CHRM3: variants seen among roughly 807,000 people sequenced by gnomAD.
CHRM3 encodes cholinergic receptor muscarinic 3.
In CHRM3, 11 loss-of-function variants were observed where a neutral mutation model predicts 41.8. The observed-to-expected ratio is 0.26, with a 90% CI of 0.17 to 0.44. The LOEUF (loss-of-function observed/expected upper bound fraction) is 0.44, where lower values mean the gene tolerates loss of function less well. Among genes scored for constraint, CHRM3 ranks in the 20% least tolerant of loss-of-function variants. The pLI is 1.00. For missense variants in CHRM3, 571 were observed against 745.4 expected (o/e 0.77, Z 2.72); for synonymous variants, 297 against 301.4 (o/e 0.99, Z 0.15).
chr1:239,542,984 G>C (rs1463565883), intron 2 of CHRM3, among the ~76,000 whole-genome samples: 1 of 152,060 alleles, frequency 6.6e-6, no homozygotes, highest in Non-Finnish European at 1.5e-5. Context: ...TCTTTGCTGT[G>C]GTCCACTCTT....
At chr1:239,615,763 C>G (rs1667562627) in intron 3 of CHRM3, among the ~76,000 whole-genome samples, 1 of 152,172 alleles carries the variant, frequency 6.6e-6, no homozygotes, top group African/African-American at 2.4e-5. Context: ...ATTGATGTCA[C>G]CCTTCTGTTC....
Position 239,646,345 on chromosome 1 carries a change from G to T in CHRM3, c.-250+14059G>T, listed in dbSNP as rs1466425255. On this transcript the variant is annotated intron_variant, in intron 4 of 6. Transcript: ENST00000676153. ...GCTTGCAATCCAGTTTTAATGACAA[G>T]CTATACACGTATTTTTTAAAATGCT... is the stretch of plus-strand genomic sequence containing the variant. Among the ~76,000 whole-genome samples the T allele has an allele frequency of 3.9e-5, 6 of 152,168 alleles. No individual in the cohort carries two copies. In the East Asian group the frequency reaches 1.2e-3, roughly 29 times the overall value.
intron 1 of CHRM3, among the ~76,000 whole-genome samples, chr1:239,403,964 G>GGGGAGA (rs1660199092): frequency 1.3e-5 from 1 of 78,840 alleles, no homozygotes; most frequent in Non-Finnish European, 2.6e-5. Flanking sequence ...AGGGAGGGAG[G>GGGGAGA]GAGAGGGAGG....
Position 239,404,410 on chromosome 1 carries a change from A to AAAGAAAGAAAGAAGG in CHRM3, c.-521+17185_-521+17186insGAAAGAAAGAAGGAA, listed in dbSNP as rs1660343300. Among the ~76,000 whole-genome samples, 35 of 51,766 alleles carry AAAGAAAGAAAGAAGG rather than the reference A, an allele frequency of 6.8e-4. 1 individual carries two copies. Among genetic ancestry groups the AAAGAAAGAAAGAAGG allele is most frequent in the African/African-American group, 2.0e-3 (31 of 15,564 alleles). 34.0% of individuals were successfully genotyped at this position (51,766 alleles called of 152,430 possible). A position where few individuals can be genotyped will look rare whatever the true frequency, so the allele number is the denominator to read the frequency against. On this transcript the variant is annotated intron_variant, in intron 1 of 6. Coordinates refer to ENST00000676153, the MANE Select transcript of CHRM3 (RefSeq NM_001375978.1). ...AAAGAAAGAAAGAAAGAAAGAAAGAAAAAGAAAGAAAGAAAGAAAGAAAGA... is the reference window on the plus strand; with the variant it reads ...AAAGAAAGAAAGAAAGAAAGAAAGAAAAGAAAGAAAGAAGGAAAGAAAGAAAGAAAGAAAGAAAGA...
chr1:239,721,355 T>C (rs1464881340), intron 5 of CHRM3, among the ~76,000 whole-genome samples: 1 of 151,942 alleles, frequency 6.6e-6, no homozygotes, highest in Non-Finnish European at 1.5e-5. Context: ...GTTACTTATA[T>C]GAGAATCCCG....
At chr1:239,718,721 C>T in intron 5 of CHRM3, 1 of 151,892 alleles carries the variant, frequency 6.6e-6, no homozygotes, top group South Asian at 2.1e-4. Flanking sequence ...AAAGAATCAA[C>T]TTGAAGTCAT....
At chr1:239,729,966 T>A (rs1663806742) in intron 5 of CHRM3, among the ~76,000 whole-genome samples, 1 of 151,938 alleles carries the variant, frequency 6.6e-6, no homozygotes, top group Admixed American at 6.6e-5. Flanking sequence ...TATCTGAATT[T>A]TCTTCATTTG....
At position 239,536,472 on chromosome 1, in the gene CHRM3, G is replaced by A. The variant is rs60444599; in HGVS notation, c.-421-9169G>A. On this transcript the variant is annotated intron_variant, in intron 2 of 6. Transcript: ENST00000676153. Reference sequence around the variant, plus strand: ...AGTATTATCAATTCCAAAGACTAAGGACAATTTTTAAAATGTGTAAATATT... The same window carrying A: ...AGTATTATCAATTCCAAAGACTAAGAACAATTTTTAAAATGTGTAAATATT... Among the ~76,000 whole-genome samples the A allele has an allele frequency of 2.6e-4, 39 of 152,206 alleles. No homozygotes were observed. The East Asian group carries it at 5.6e-3, about 22-fold the overall frequency.
chr1:239,833,393 GAGA>G (rs1207253778), intron 6 of CHRM3, among the ~76,000 whole-genome samples: 1 of 152,184 alleles, frequency 6.6e-6, no homozygotes, highest in Non-Finnish European at 1.5e-5. Flanking sequence ...TGGAAACCAA[GAGA>G]AGAACCAGGG....
chr1:239,436,608 A>C (rs1427212038), intron 1 of CHRM3, among the ~76,000 whole-genome samples: 1 of 151,968 alleles, frequency 6.6e-6, no homozygotes, highest in Non-Finnish European at 1.5e-5. Context: ...ACCCATCCTT[A>C]TTTTGATTGA....
chr1:239,804,777 A>T (rs1347382896), intron 5 of CHRM3, among the ~76,000 whole-genome samples: 2 of 152,064 alleles, frequency 1.3e-5, no homozygotes, highest in Non-Finnish European at 2.9e-5. Context: ...ATTCTTCAAA[A>T]TCTTCCCTCG....
chr1:239,442,394 G>A (rs559343040), intron 1 of CHRM3, among the ~76,000 whole-genome samples: 8 of 152,052 alleles, frequency 5.3e-5, no homozygotes, highest in African/African-American at 7.2e-5. Context: ...GGCGTGAGCC[G>A]CTGCACCCGG....
chr1:239,569,408 G>T (rs951803150), intron 3 of CHRM3, among the ~76,000 whole-genome samples: 1 of 152,084 alleles, frequency 6.6e-6, no homozygotes, highest in Non-Finnish European at 1.5e-5. Context: ...GACTCAGATG[G>T]CTGCTAAGAA....
intron 1 of CHRM3, among the ~76,000 whole-genome samples, chr1:239,409,814 C>T (rs914989638): frequency 1.3e-5 from 2 of 152,112 alleles, no homozygotes; most frequent in South Asian, 2.1e-4. Flanking sequence ...TGGTTGCGGG[C>T]GCCTGTAGTC....
At chr1:239,528,465 T>C (rs1670153114) in intron 2 of CHRM3, among the ~76,000 whole-genome samples, 1 of 152,228 alleles carries the variant, frequency 6.6e-6, no homozygotes, top group African/African-American at 2.4e-5. Flanking sequence ...GGTGCTCTTC[T>C]GTAAATTTCA....
intron 5 of CHRM3, among the ~76,000 whole-genome samples, chr1:239,727,461 T>C (rs1663548077): frequency 1.3e-5 from 2 of 152,118 alleles, no homozygotes; most frequent in African/African-American, 4.8e-5. Context: ...TTGTGCTACT[T>C]TTCCTTCATG....
chr1:239,660,702 G>A (rs1297769513), intron 4 of CHRM3, among the ~76,000 whole-genome samples: 1 of 152,072 alleles, frequency 6.6e-6, no homozygotes. Flanking sequence ...GGCCAACATG[G>A]CAAAACCCAG....
chr1:239,733,434 G>A (rs1285400355), intron 5 of CHRM3, among the ~76,000 whole-genome samples: 2 of 151,994 alleles, frequency 1.3e-5, no homozygotes, highest in Non-Finnish European at 2.9e-5. Context: ...CCATTAATAA[G>A]GGGCAAGTGG....
intron 5 of CHRM3, among the ~76,000 whole-genome samples, chr1:239,702,943 A>T (rs1463285945): frequency 3.3e-5 from 5 of 152,192 alleles, no homozygotes; most frequent in Admixed American, 6.5e-5. Context: ...GTGCAAATTG[A>T]TAATATTTTT....
Sources: gnomAD v4.1 joint callset for allele counts (sites outside exome capture counted in the v4.1 genomes callset) on GRCh38, gnomAD v4.1.1 for gene constraint, MANE v1.5 for transcripts, NCBI Gene and HGNC (gene_info 2026-07-23, HGNC 2026-07-21) for gene names.